Variants in PDE12 observed in about 807,000 individuals in gnomAD.
PDE12 encodes the protein 2',5'-phosphodiesterase 12.
Under a neutral mutation model 45.4 loss-of-function variants are expected in PDE12, and 26 were observed. The observed-to-expected ratio is 0.57, with a 90% CI of 0.42 to 0.79. The LOEUF (loss-of-function observed/expected upper bound fraction) is 0.79. Ranked by LOEUF, PDE12 falls within the 30% of genes least tolerant of loss-of-function variation. The pLI is 0.00. For synonymous variants in PDE12, 283 were observed against 323.9 expected (o/e 0.87, Z 1.36); for missense variants, 668 against 790.0 (o/e 0.85, Z 1.85).
chr3:57,627,780 T>G, the PDE12 span: 2 of 161,086 alleles, frequency 1.2e-5, no homozygotes, highest in African/African-American at 4.8e-5. Flanking sequence ...CTTCTAACCA[T>G]AGGACAGTTC....
chr3:57,631,351 C>A, the PDE12 span, among the ~76,000 whole-genome samples: 1 of 152,140 alleles, frequency 6.6e-6, no homozygotes, highest in Non-Finnish European at 1.5e-5. Flanking sequence ...CGTGCGCCAC[C>A]ACGCCTGGCT....
Position 57,556,468 on chromosome 3 carries a change from C to G in PDE12, c.89C>G (p.Thr30Arg). 6.2e-7 allele frequency: 1 copy of G among 1,611,800 alleles called. No individual in the cohort carries two copies. Among genetic ancestry groups the G allele is most frequent in the Non-Finnish European group, 8.5e-7 (1 of 1,178,930 alleles). ...KLSRAEAGSQ[T>R]AAGAMERAVV... is the part of the protein sequence containing the mutation. ...AGCCGGGCTGAAGCGGGGAGCCAGA[C>G]AGCGGCGGGAGCGATGGAGCGCGCT... The change falls in exon 1 of 3, where the codon ACA becomes AGA. Residue 30 changes from threonine to arginine, a missense_variant. Physicochemically the swap from Thr to Arg is moderately conservative, Grantham distance 71. Around this residue, in one of 3 missense-constraint regions of PDE12, gnomAD observed 580 missense variants for 662.9 expected, o/e 0.87. Coordinates refer to ENST00000311180, the MANE Select transcript of PDE12 (RefSeq NM_177966.7). The surrounding 1 kb of genome is among the most constrained non-coding windows in gnomAD (Gnocchi z 5.0).
At chr3:57,611,725 T>C in the PDE12 span, among the ~76,000 whole-genome samples, 2 of 152,054 alleles carry the variant, frequency 1.3e-5, no homozygotes, top group Non-Finnish European at 2.9e-5. Context: ...CATTAAAACG[T>C]CAGGAAACAA....
At chr3:57,620,712 T>C in the PDE12 span, among the ~76,000 whole-genome samples, 1 of 152,150 alleles carries the variant, frequency 6.6e-6, no homozygotes, top group Non-Finnish European at 1.5e-5. Flanking sequence ...TAAATTTAAA[T>C]TTTAAAAAAA....
chr3:57,614,613 G>A, the PDE12 span, among the ~76,000 whole-genome samples: 40 of 144,604 alleles, frequency 2.8e-4, no homozygotes, highest in Non-Finnish European at 5.2e-4. Flanking sequence ...GCGCGATCTC[G>A]GCTCACTGCA....
the PDE12 span, among the ~76,000 whole-genome samples, chr3:57,577,576 T>C: frequency 6.6e-6 from 1 of 152,216 alleles, no homozygotes; most frequent in Non-Finnish European, 1.5e-5. Context: ...ATTAGTGCTA[T>C]TTCAAATCTA....
At position 57,556,840 on chromosome 3, in the gene PDE12, A is replaced by G. The variant is rs756908402; in HGVS notation, c.461A>G (p.Lys154Arg). Reference protein sequence around the residue: ...DGAVLQIGDVKYKVERNPPAF... With the variant: ...DGAVLQIGDVRYKVERNPPAF... The stretch of plus-strand genomic sequence containing the variant: ...GCGGTGCTGCAGATCGGCGATGTTA[A>G]GTACAAGGTGGAGCGCAACCCGCCC... Residue 154 changes from lysine (K) to arginine (R), a missense_variant, in exon 1 of 3, where the codon AAG (lysine) becomes AGG (arginine). Coordinates refer to ENST00000311180, the MANE Select transcript of PDE12 (RefSeq NM_177966.7). This position sits in a 1 kb window ranked among gnomAD's most constrained non-coding sequence, Gnocchi z 5.0. The G allele has an allele frequency of 2.5e-6, 4 of 1,613,994 alleles. No individual in the cohort carries two copies. The highest frequency in any genetic ancestry group is 3.4e-6 in the Non-Finnish European group (4 of 1,180,012).
the PDE12 span, chr3:57,630,807 T>C: frequency 7.0e-5 from 113 of 1,613,860 alleles, no homozygotes; most frequent in African/African-American, 1.4e-3. Context: ...GAAGAAACTG[T>C]CTTAATTGAG....
the PDE12 span, among the ~76,000 whole-genome samples, chr3:57,580,938 A>G: frequency 1.3e-5 from 2 of 152,130 alleles, no homozygotes; most frequent in East Asian, 1.9e-4. Flanking sequence ...AAATAATGCT[A>G]TCAGTCCCAA....
chr3:57,568,567 C>A (rs1186160800), downstream of PDE12, among the ~76,000 whole-genome samples: 2 of 151,134 alleles, frequency 1.3e-5, no homozygotes, highest in East Asian at 3.9e-4. Flanking sequence ...CAATACTCTC[C>A]ACAAAAGATA....
chr3:57,599,718 T>G, the PDE12 span, among the ~76,000 whole-genome samples: 2,043 of 152,280 alleles, frequency 0.013, 50 homozygotes, highest in African/African-American at 0.046. Context: ...AATGGCAGAC[T>G]GTAATATCTC....
At chr3:57,621,656 T>C in the PDE12 span, among the ~76,000 whole-genome samples, 1 of 151,954 alleles carries the variant, frequency 6.6e-6, no homozygotes, top group Non-Finnish European at 1.5e-5. Context: ...CAAGAGTCTG[T>C]CTCAAAAATA....
the PDE12 span, chr3:57,631,276 A>C: frequency 4.1e-6 from 1 of 246,096 alleles, no homozygotes; most frequent in Non-Finnish European, 7.8e-6. Context: ...GGCTCACTAC[A>C]ACCTCTGCCC....
chr3:57,579,313 A>G, the PDE12 span, among the ~76,000 whole-genome samples: 6 of 149,468 alleles, frequency 4.0e-5, no homozygotes, highest in South Asian at 1.1e-3. Flanking sequence ...GGACTATACT[A>G]TATCTTTTTT....
At chr3:57,615,467 A>G in the PDE12 span, among the ~76,000 whole-genome samples, 1 of 152,146 alleles carries the variant, frequency 6.6e-6, no homozygotes, top group South Asian at 2.1e-4. Flanking sequence ...AAAAAAAGAG[A>G]GAGAAAATTA....
chr3:57,619,361 A>C, the PDE12 span: 2 of 153,356 alleles, frequency 1.3e-5, no homozygotes, highest in Non-Finnish European at 2.9e-5. Context: ...AACAAAACAA[A>C]ACAAAACAAA....
At chr3:57,599,071 T>G in the PDE12 span, among the ~76,000 whole-genome samples, 1 of 152,140 alleles carries the variant, frequency 6.6e-6, no homozygotes, top group Non-Finnish European at 1.5e-5. Flanking sequence ...AGAGCACGGT[T>G]TGGTTTTATA....
At chr3:57,597,289 T>C in the PDE12 span, 6 of 703,546 alleles carry the variant, frequency 8.5e-6, no homozygotes, top group African/African-American at 1.8e-5. Flanking sequence ...CAGTGGCCCC[T>C]GTGCCGATGA....
chr3:57,641,822 CTT>C, the PDE12 span: 1 of 1,213,516 alleles, frequency 8.2e-7, no homozygotes, highest in Non-Finnish European at 1.2e-6. Flanking sequence ...GAATAGTTTA[CTT>C]TTTTTTTCAA....
Sources: gnomAD v4.1 joint callset for allele counts (sites outside exome capture counted in the v4.1 genomes callset) on GRCh38, gnomAD v4.1.1 for gene constraint, gnomAD v4.1.1 regional missense constraint, Gnocchi (gnomAD v3.1) non-coding constraint, MANE v1.5 for transcripts, NCBI Gene and HGNC (gene_info 2026-07-23, HGNC 2026-07-21) for gene names.